CCDC6: variants seen among roughly 807,000 people sequenced by gnomAD.
CCDC6 encodes the protein coiled-coil domain-containing protein 6.
Under a neutral mutation model 56.6 loss-of-function variants are expected in CCDC6, and 20 were observed. The ratio of observed to expected loss-of-function variants is 0.35; its 90% CI spans 0.25 to 0.51. CCDC6 has a LOEUF of 0.51. Ranked by LOEUF, CCDC6 falls within the 20% of genes least tolerant of loss-of-function variation. The probability of loss-of-function intolerance (pLI) is 0.95; values close to 1 mark genes in which losing one functional copy is unlikely to be tolerated. For missense variants in CCDC6, 367 were observed against 601.1 expected, an observed-to-expected ratio of 0.61 and a Z score of 4.07; for synonymous variants, 241 against 234.4, an observed-to-expected ratio of 1.03 and a Z score of -0.26.
intron 5 of CCDC6, among the ~76,000 whole-genome samples, chr10:59,809,065 G>A (rs962729019): frequency 5.9e-5 from 9 of 152,112 alleles, no homozygotes; most frequent in African/African-American, 2.2e-4. Context: ...TAATATAAAC[G>A]ATTTAAATTA....
At chr10:59,836,495 T>G (rs538259495) in intron 2 of CCDC6, among the ~76,000 whole-genome samples, 4 of 152,304 alleles carry the variant, frequency 2.6e-5, no homozygotes, top group Admixed American at 6.5e-5. Flanking sequence ...ACATGAACAA[T>G]TTTAAATCTT....
At chr10:59,836,574 TAATA>T (rs1331135683) in intron 2 of CCDC6, among the ~76,000 whole-genome samples, 2 of 152,234 alleles carry the variant, frequency 1.3e-5, no homozygotes, top group Admixed American at 6.5e-5. Flanking sequence ...GCATATTAAT[TAATA>T]TTTTGAAATG....
chr10:59,868,677 C>T (rs2071199071), intron 1 of CCDC6, among the ~76,000 whole-genome samples: 1 of 152,178 alleles, frequency 6.6e-6, no homozygotes, highest in Non-Finnish European at 1.5e-5. Context: ...TGTGCCTAAG[C>T]GTTACAAACA....
chr10:59,792,097 A>C lies in CCDC6; in HGVS notation c.*820T>G, dbSNP rs111634189. ...TTGTTACAATCACACTGCCTTCTGCAGCAGAAATCAAATAACACATTCTAA... is the reference window on the plus strand; with the variant it reads ...TTGTTACAATCACACTGCCTTCTGCCGCAGAAATCAAATAACACATTCTAA... On this transcript the variant is annotated 3_prime_UTR_variant, in exon 9 of 9. Coordinates refer to ENST00000263102, the MANE Select transcript of CCDC6 (RefSeq NM_005436.5). The C allele has an allele frequency of 3.1e-3, 725 of 230,748 alleles. 6 individuals carry two copies. Among genetic ancestry groups the C allele is most frequent in the African/African-American group, 0.015 (674 of 45,172 alleles). 14.3% of individuals were successfully genotyped at this position (230,748 alleles called of 1,614,324 possible). A position where few individuals can be genotyped will look rare whatever the true frequency, so the allele number is the denominator to read the frequency against.
At chr10:59,852,765 C>T (rs531957365) in intron 1 of CCDC6, 63 bp from the exon 2 acceptor site, 123 of 1,298,550 alleles carry the variant, frequency 9.5e-5, no homozygotes, top group Non-Finnish European at 1.2e-4. Context: ...AGGAAATTTA[C>T]TAATTGAAAT....
Position 59,840,608 on chromosome 10 carries a change from C to T in CCDC6, c.454-7955G>A, listed in dbSNP as rs112427018. Among the ~76,000 whole-genome samples, 456 of 152,350 alleles carry T rather than the reference C, an allele frequency of 3.0e-3. 3 individuals carry two copies. The highest frequency in any genetic ancestry group is 0.011 in the African/African-American group (439 of 41,578). Reference sequence around the variant, plus strand: ...GTTGAGAGTCAGAACCTCTGTCCCACTGCCTTGTCTGTTCTCTCCATATGG... The same window carrying T: ...GTTGAGAGTCAGAACCTCTGTCCCATTGCCTTGTCTGTTCTCTCCATATGG... On this transcript the variant is annotated intron_variant, in intron 2 of 8. Transcript: ENST00000263102.
At chr10:59,856,794 T>A (rs2071083732) in intron 1 of CCDC6, among the ~76,000 whole-genome samples, 1 of 152,162 alleles carries the variant, frequency 6.6e-6, no homozygotes, top group Non-Finnish European at 1.5e-5. Flanking sequence ...CACATCCCAA[T>A]TCAAAATTAA....
rs568444380 is a variant in CCDC6, at chr10:59,865,901, C to T, written c.304-13199G>A. ...AATACCATTCCAGATTAAATACTGG[C>T]CATGCATCATTCACTGTGTACCTAC... On this transcript the variant is annotated intron_variant, in intron 1 of 8. Coordinates refer to ENST00000263102, the MANE Select transcript of CCDC6 (RefSeq NM_005436.5). 2.7e-5 allele frequency among the ~76,000 whole-genome samples: 4 copies of T among 148,100 alleles called. No homozygotes were observed. In the South Asian group the frequency reaches 8.5e-4, roughly 32 times the overall value.
At chr10:59,820,529 AAC>A (rs2070741612) in intron 3 of CCDC6, among the ~76,000 whole-genome samples, 1 of 152,200 alleles carries the variant, frequency 6.6e-6, no homozygotes, top group Non-Finnish European at 1.5e-5. Context: ...ATATAAATAG[AAC>A]ACAGTTTGCC....
At position 59,792,642 on chromosome 10, in the gene CCDC6, T is replaced by C; in HGVS notation, c.*275A>G. 1.4e-6 allele frequency: 1 copy of C among 711,364 alleles called. No individual in the cohort carries two copies. The allele number at this position is 711,364 out of a possible 1,614,324, so 44.1% of individuals were successfully genotyped here. ...CAAAAATTGCACACTGCTGCTGAAA[T>C]ACCAAATACCAAACAGCGAAGGTTC... is the stretch of plus-strand genomic sequence containing the variant. On this transcript the variant is annotated 3_prime_UTR_variant, in exon 9 of 9. Coordinates refer to ENST00000263102, the MANE Select transcript of CCDC6 (RefSeq NM_005436.5).
intron 1 of CCDC6, among the ~76,000 whole-genome samples, chr10:59,853,716 C>G (rs1007513850): frequency 6.6e-6 from 1 of 151,868 alleles, no homozygotes; most frequent in African/African-American, 2.4e-5. Flanking sequence ...TCATTTTTTA[C>G]TTTATTTCCC....
intron 1 of CCDC6, among the ~76,000 whole-genome samples, chr10:59,877,890 A>C (rs569060190): frequency 5.8e-4 from 88 of 152,344 alleles, no homozygotes; most frequent in African/African-American, 2.1e-3. Flanking sequence ...AGAAAGTAAA[A>C]TTTTAAAAAT....
chr10:59,873,821 T>A (rs924018653), intron 1 of CCDC6, among the ~76,000 whole-genome samples: 1 of 151,170 alleles, frequency 6.6e-6, no homozygotes, highest in African/African-American at 2.4e-5. Context: ...TGCTAATTTT[T>A]AAAAAAAAAG....
intron 3 of CCDC6, among the ~76,000 whole-genome samples, chr10:59,821,185 T>A (rs371274390): frequency 1.3e-5 from 2 of 152,212 alleles, no homozygotes; most frequent in Admixed American, 1.3e-4. Context: ...TATTTTCCCA[T>A]ACACCTGAGT....
intron 1 of CCDC6, among the ~76,000 whole-genome samples, chr10:59,876,091 T>TTTC (rs1564754331): frequency 6.8e-6 from 1 of 146,196 alleles, no homozygotes; most frequent in African/African-American, 2.6e-5. Flanking sequence ...TTTTTTTTTT[T>TTTC]CAGATCGAGT....
At chr10:59,901,593 CAG>C (rs1248601782) in intron 1 of CCDC6, among the ~76,000 whole-genome samples, 1 of 152,170 alleles carries the variant, frequency 6.6e-6, no homozygotes, top group Non-Finnish European at 1.5e-5. Flanking sequence ...ATTTTACAGT[CAG>C]AGAGACACTT....
rs2070497000 is a variant in CCDC6 at position 59,794,540 on chromosome 10, G to C, written c.1163C>G (p.Ala388Gly). The C allele has an allele frequency of 6.2e-7, 1 of 1,613,686 alleles. No homozygotes were observed. Among genetic ancestry groups the C allele is most frequent in the South Asian group, 1.1e-5 (1 of 91,086 alleles). ...GFTPPTSLTR[A>G]GMSYYNSPGL... ...CGGGGAATTGTAATAAGACATTCCA[G>C]CTCTAGTCAGTGAAGTTGGTGGCGT... Residue 388 changes from alanine to glycine, a missense_variant, in exon 8 of 9, where the codon GCT becomes GGT. Physicochemically the swap from Ala to Gly is moderately conservative, Grantham distance 60. Transcript: ENST00000263102.
chr10:59,852,756 G>C, intron 1 of CCDC6, 54 bp from the exon 2 acceptor site: 1 of 1,347,730 alleles, frequency 7.4e-7, no homozygotes, highest in Non-Finnish European at 9.9e-7. Context: ...TAAGGAAACA[G>C]GAAATTTACT....
chr10:59,862,501 GTATATATA>G (rs146237484), intron 1 of CCDC6, among the ~76,000 whole-genome samples: 6 of 85,076 alleles, frequency 7.1e-5, no homozygotes, highest in African/African-American at 3.6e-4. Context: ...AAAAAAAAAA[GTATATATA>G]TATATATACA....
Sources: allele counts gnomAD v4.1 joint callset (sites outside exome capture counted in the v4.1 genomes callset), GRCh38; gene constraint gnomAD v4.1.1; transcripts MANE v1.5; gene names NCBI Gene and HGNC (gene_info 2026-07-23, HGNC 2026-07-21).